The following HIVEP3 variants were observed in gnomAD, a reference collection of about 807,000 sequenced individuals.
HIVEP3 encodes the protein HIVEP zinc finger 3, also known as transcription factor HIVEP3.
In HIVEP3, 49 loss-of-function variants were observed where a neutral mutation model predicts 152.8. That is an observed-to-expected ratio of 0.32 (90% CI 0.26 to 0.41). The LOEUF is 0.41. HIVEP3 is among the 10% of genes least tolerant of loss of function. The pLI, the probability that HIVEP3 is intolerant of heterozygous loss-of-function variation, is 1.00. For synonymous variants in HIVEP3, 1,269 were observed against 1,289.0 expected, an observed-to-expected ratio of 0.98 and a Z score of 0.33; for missense variants, 2,790 against 3,103.3, an observed-to-expected ratio of 0.90 and a Z score of 2.40.
intron 2 of HIVEP3, among the ~76,000 whole-genome samples, chr1:41,689,443 T>G (rs1295153290): frequency 1.3e-5 from 2 of 152,050 alleles, no homozygotes; most frequent in Non-Finnish European, 2.9e-5. Context: ...GGGATCCGGG[T>G]GGGTAGGGTC....
At chr1:41,805,843 G>T (rs1558285082) in intron 1 of HIVEP3, among the ~76,000 whole-genome samples, 1 of 152,112 alleles carries the variant, frequency 6.6e-6, no homozygotes, top group African/African-American at 2.4e-5. Flanking sequence ...TCTTTTGGGG[G>T]TCTGATTTGT....
chr1:42,011,209 G>A (rs1050354544), intron 1 of HIVEP3, among the ~76,000 whole-genome samples: 1 of 152,104 alleles, frequency 6.6e-6, no homozygotes, highest in Admixed American at 6.6e-5. Flanking sequence ...AAAGAATCCT[G>A]TGTACATTTC....
chr1:41,759,674 T>C (rs923302863), intron 1 of HIVEP3, among the ~76,000 whole-genome samples: 20 of 152,224 alleles, frequency 1.3e-4, no homozygotes, highest in Admixed American at 1.0e-3. Flanking sequence ...GTCTGTGCTC[T>C]GGCACAGGCA....
chr1:41,826,291 G>A (rs554030503), intron 1 of HIVEP3, among the ~76,000 whole-genome samples: 9 of 152,308 alleles, frequency 5.9e-5, no homozygotes, highest in Admixed American at 2.0e-4. Flanking sequence ...GGCTGAGTGA[G>A]GAATTTAGGG....
intron 5 of HIVEP3, among the ~76,000 whole-genome samples, chr1:41,534,901 T>C (rs906236182): frequency 5.3e-5 from 8 of 152,150 alleles, no homozygotes; most frequent in African/African-American, 1.9e-4. Context: ...GGCAGGACAC[T>C]TGGGTCTTGG....
Position 41,511,756 on chromosome 1 carries a change from C to A in HIVEP3, c.6406-490G>T, listed in dbSNP as rs1642422563. Among the ~76,000 whole-genome samples, 2 of 152,150 alleles carry A rather than the reference C, an allele frequency of 1.3e-5. No individual in the cohort carries two copies. On this transcript the variant is annotated intron_variant, in intron 8 of 8. Coordinates refer to ENST00000372583, the MANE Select transcript of HIVEP3 (RefSeq NM_024503.5). The surrounding 1 kb of genome is among the most constrained non-coding windows in gnomAD (Gnocchi z 4.9). ...AGGAAAGATTCCTAGATCAGTGTTC[C>A]TCCAGGAGTGACAGGGCTGGGTCAT...
intron 1 of HIVEP3, among the ~76,000 whole-genome samples, chr1:41,821,202 T>C (rs1398351151): frequency 6.6e-6 from 1 of 152,102 alleles, no homozygotes; most frequent in African/African-American, 2.4e-5. Context: ...CTGTATTCTA[T>C]CCCTCCAGCT....
At chr1:41,800,951 T>G (rs1340869942) in intron 1 of HIVEP3, among the ~76,000 whole-genome samples, 1 of 152,174 alleles carries the variant, frequency 6.6e-6, no homozygotes, top group African/African-American at 2.4e-5. Flanking sequence ...TCGTCTACAT[T>G]ATCTGGCCCT....
chr1:41,836,338 A>G (rs969221814), intron 1 of HIVEP3, among the ~76,000 whole-genome samples: 2 of 152,138 alleles, frequency 1.3e-5, no homozygotes, highest in African/African-American at 4.8e-5. Context: ...GCTGCAGGAG[A>G]AGGACAGGCA....
At chr1:41,572,791 A>G (rs1020855180) in intron 5 of HIVEP3, among the ~76,000 whole-genome samples, 3 of 152,278 alleles carry the variant, frequency 2.0e-5, no homozygotes, top group African/African-American at 7.2e-5. Flanking sequence ...TTACTGATTC[A>G]TGATGAACTA....
At chr1:41,562,381 C>T (rs569638880) in intron 5 of HIVEP3, among the ~76,000 whole-genome samples, 8 of 152,160 alleles carry the variant, frequency 5.3e-5, no homozygotes, top group Admixed American at 2.6e-4. Context: ...TTGAAGAGTT[C>T]TTTGGAAGAA....
chr1:41,631,517 AT>A, intron 2 of HIVEP3, among the ~76,000 whole-genome samples: 1 of 152,168 alleles, frequency 6.6e-6, no homozygotes, highest in East Asian at 1.9e-4. Flanking sequence ...CCTGCTTTTT[AT>A]TCACACAGCC....
intron 1 of HIVEP3, among the ~76,000 whole-genome samples, chr1:41,781,035 G>A (rs967706198): frequency 7.9e-5 from 12 of 152,224 alleles, no homozygotes; most frequent in African/African-American, 2.4e-5. Context: ...TCTCCCAGTG[G>A]TAATTGGCAA....
chr1:41,999,652 A>G (rs1645415855), intron 1 of HIVEP3, among the ~76,000 whole-genome samples: 1 of 152,230 alleles, frequency 6.6e-6, no homozygotes, highest in East Asian at 1.9e-4. Context: ...TCTGAGCAGC[A>G]AGATCAAAGA....
chr1:41,754,677 C>T (rs942867841), intron 1 of HIVEP3, among the ~76,000 whole-genome samples: 10 of 152,178 alleles, frequency 6.6e-5, no homozygotes, highest in African/African-American at 2.2e-4. Flanking sequence ...CTCTGTTGGA[C>T]ATTTCTGAAA....
intron 1 of HIVEP3, among the ~76,000 whole-genome samples, chr1:41,955,267 C>T (rs1296963199): frequency 6.6e-6 from 1 of 151,368 alleles, no homozygotes; most frequent in South Asian, 2.1e-4. Context: ...GGGTGGGAGC[C>T]GTTTTAGAAA....
At chr1:41,840,594 G>C (rs1165389151) in intron 1 of HIVEP3, among the ~76,000 whole-genome samples, 4 of 152,212 alleles carry the variant, frequency 2.6e-5, no homozygotes, top group Admixed American at 2.6e-4. Flanking sequence ...TATTATGGCA[G>C]CCACGAGAAA....
At chr1:41,875,432 C>T (rs1285480827) in intron 1 of HIVEP3, among the ~76,000 whole-genome samples, 1 of 152,256 alleles carries the variant, frequency 6.6e-6, no homozygotes, top group East Asian at 1.9e-4. Context: ...CCTTCTGGCC[C>T]CTCTTCATCT....
At chr1:42,023,298 C>T (rs1557565787) in intron 1 of HIVEP3, among the ~76,000 whole-genome samples, 1 of 152,328 alleles carries the variant, frequency 6.6e-6, no homozygotes, top group East Asian at 1.9e-4. Flanking sequence ...TAAGCCACCA[C>T]ACCCGGCCAT....
Sources: gnomAD v4.1 joint callset for allele counts (sites outside exome capture counted in the v4.1 genomes callset) on GRCh38, gnomAD v4.1.1 for gene constraint, Gnocchi (gnomAD v3.1) non-coding constraint, MANE v1.5 for transcripts, NCBI Gene and HGNC (gene_info 2026-07-23, HGNC 2026-07-21) for gene names.